PCSK5: variants seen among roughly 807,000 people sequenced by gnomAD.
PCSK5 encodes the protein proprotein convertase subtilisin/kexin type 5.
A neutral mutation model predicts 233.2 loss-of-function variants in PCSK5; 129 were observed. That is an observed-to-expected ratio of 0.55 (90% CI 0.48 to 0.64). The LOEUF (loss-of-function observed/expected upper bound fraction) is 0.64, where lower values mean the gene tolerates loss of function less well. Ranked by LOEUF, PCSK5 falls within the 30% of genes least tolerant of loss-of-function variation. PCSK5 has a pLI of 0.00. For missense variants in PCSK5, 2,076 were observed against 2,430.1 expected (o/e 0.85, Z 3.06); for synonymous variants, 825 against 879.2 (o/e 0.94, Z 1.09).
At chr9:76,175,232 G>A (rs868451069) in intron 14 of PCSK5, 103 bp downstream of exon 14, 15 of 597,510 alleles carry the variant, frequency 2.5e-5, no homozygotes, top group East Asian at 3.4e-5. Context: ...AAATGGAATG[G>A]AATGAAATGG....
intron 35 of PCSK5, among the ~76,000 whole-genome samples, chr9:76,350,435 A>G (rs1830091872): frequency 6.6e-6 from 1 of 152,190 alleles, no homozygotes; most frequent in African/African-American, 2.4e-5. Flanking sequence ...TCTCAGTTAG[A>G]AACTGTCTAT....
At chr9:76,154,609 A>G (rs748803123) in intron 10 of PCSK5, among the ~76,000 whole-genome samples, 23 of 152,230 alleles carry the variant, frequency 1.5e-4, no homozygotes, top group Admixed American at 2.6e-4. Flanking sequence ...TTATTTCCCT[A>G]AACTGAAATA....
intron 21 of PCSK5, among the ~76,000 whole-genome samples, chr9:76,229,023 T>G (rs890112662): frequency 6.6e-6 from 1 of 151,900 alleles, no homozygotes; most frequent in Non-Finnish European, 1.5e-5. Flanking sequence ...AAAGAATGAA[T>G]AAGAGAAGGA....
At chr9:76,107,822 T>C (rs769416074) in intron 9 of PCSK5, among the ~76,000 whole-genome samples, 5 of 152,198 alleles carry the variant, frequency 3.3e-5, no homozygotes, top group Non-Finnish European at 5.9e-5. Flanking sequence ...TCAAATCCTG[T>C]TCAGTATAGT....
intron 2 of PCSK5, among the ~76,000 whole-genome samples, chr9:75,985,259 C>A (rs1316671405): frequency 6.6e-6 from 1 of 152,196 alleles, no homozygotes; most frequent in Non-Finnish European, 1.5e-5. Context: ...ATACACACCC[C>A]TACCACTAGG....
rs67386134 is a variant in PCSK5 at position 76,163,859 on chromosome 9, C to CTTTTTTTT, written c.1619+4701_1619+4708dup. Among the ~76,000 whole-genome samples, 10 of 97,892 alleles carry CTTTTTTTT rather than the reference C, an allele frequency of 1.0e-4. 1 individual carries two copies. Among genetic ancestry groups the CTTTTTTTT allele is most frequent in the East Asian group, 6.2e-4 (2 of 3,226 alleles). 64.2% of individuals were successfully genotyped at this position (97,892 alleles called of 152,430 possible). A position where few individuals can be genotyped will look rare whatever the true frequency, so the allele number is the denominator to read the frequency against. On this transcript the variant is annotated intron_variant, in intron 12 of 37. Transcript: ENST00000674117. The stretch of plus-strand genomic sequence containing the variant: ...ATCTGTTAGAATTATAAAAAGCTGT[C>CTTTTTTTT]TTTTTTTTTTTTTTTTTTTTCCTGA...
chr9:76,220,484 G>A (rs574404756), intron 20 of PCSK5, among the ~76,000 whole-genome samples: 17 of 138,044 alleles, frequency 1.2e-4, no homozygotes, highest in African/African-American at 2.2e-4. Flanking sequence ...CTGAAAATGC[G>A]CCACAGCACT....
At chr9:76,098,864 G>A (rs976641155) in intron 8 of PCSK5, among the ~76,000 whole-genome samples, 1 of 152,136 alleles carries the variant, frequency 6.6e-6, no homozygotes, top group African/African-American at 2.4e-5. Flanking sequence ...CTTCGTCATT[G>A]TTTGCTGTGA....
chr9:76,190,092 C>T (rs1414768908), intron 20 of PCSK5, among the ~76,000 whole-genome samples: 1 of 152,012 alleles, frequency 6.6e-6, no homozygotes, highest in African/African-American at 2.4e-5. Context: ...GCATAGCTTC[C>T]CCCACTATCA....
In PCSK5 at chr9:76,322,990, C is replaced by A. The variant is rs1829251612; in HGVS notation, c.4103-62C>A. ...TGCTGAGGGAGGAGCTAGCCTACTG[C>A]AGACAATGAATTCCTTTCTCCTACC... On this transcript the variant is annotated intron_variant, in intron 31 of 37. Transcript: ENST00000674117. 8 of 906,766 alleles carry A rather than the reference C, an allele frequency of 8.8e-6. No homozygotes were observed. In the South Asian group the frequency reaches 1.2e-4, roughly 14 times the overall value. The allele number at this position is 906,766 out of a possible 1,614,324, so 56.2% of individuals were successfully genotyped here. A position where few individuals can be genotyped will look rare whatever the true frequency, so the allele number is the denominator to read the frequency against.
At chr9:76,237,950 C>T (rs1249763968) in intron 22 of PCSK5, among the ~76,000 whole-genome samples, 1 of 152,186 alleles carries the variant, frequency 6.6e-6, no homozygotes, top group Non-Finnish European at 1.5e-5. Flanking sequence ...GGGGTTAGTG[C>T]TATCTTTATC....
intron 4 of PCSK5, among the ~76,000 whole-genome samples, chr9:76,024,523 C>T (rs73650424): frequency 0.016 from 2,504 of 152,290 alleles, 74 homozygotes; most frequent in African/African-American, 0.056. Context: ...GTGAGTTATC[C>T]ATGGTCAGAT....
At chr9:76,119,888 T>C (rs376305221) in intron 9 of PCSK5, among the ~76,000 whole-genome samples, 1 of 152,080 alleles carries the variant, frequency 6.6e-6, no homozygotes, top group South Asian at 2.1e-4. Flanking sequence ...GTCTTATTCA[T>C]TCTTTCTAAC....
At chr9:76,247,586 C>T (rs184822944) in intron 24 of PCSK5, among the ~76,000 whole-genome samples, 1 of 152,134 alleles carries the variant, frequency 6.6e-6, no homozygotes, top group Middle Eastern at 3.2e-3. Context: ...GATTCTTAGT[C>T]AGCCTAGGAA....
At chr9:76,307,634 A>G (rs895781515) in intron 28 of PCSK5, among the ~76,000 whole-genome samples, 2 of 152,104 alleles carry the variant, frequency 1.3e-5, no homozygotes, top group Non-Finnish European at 2.9e-5. Flanking sequence ...TTAATGGTAT[A>G]TTAACCTGGG....
At chr9:76,016,865 A>G (rs1355217564) in intron 3 of PCSK5, among the ~76,000 whole-genome samples, 1 of 152,038 alleles carries the variant, frequency 6.6e-6, no homozygotes, top group Non-Finnish European at 1.5e-5. Flanking sequence ...TTAACCCTCA[A>G]TTATGAGTAG....
intron 7 of PCSK5, among the ~76,000 whole-genome samples, chr9:76,077,369 C>T (rs1830678625): frequency 6.6e-6 from 1 of 152,182 alleles, no homozygotes; most frequent in Non-Finnish European, 1.5e-5. Context: ...TTGTACTGTT[C>T]ATCCTCCTGT....
intron 8 of PCSK5, among the ~76,000 whole-genome samples, chr9:76,102,022 C>A (rs577507459): frequency 1.3e-5 from 2 of 152,210 alleles, no homozygotes; most frequent in South Asian, 4.1e-4. Context: ...GATACATATT[C>A]TCTTGAGAAA....
At chr9:76,224,155 A>T (rs1238019722) in intron 20 of PCSK5, among the ~76,000 whole-genome samples, 2 of 152,202 alleles carry the variant, frequency 1.3e-5, no homozygotes. Context: ...GGAGGAAAAA[A>T]CAAGTTTTAC....
Sources: gnomAD v4.1 joint callset for allele counts (sites outside exome capture counted in the v4.1 genomes callset) on GRCh38, gnomAD v4.1.1 for gene constraint, MANE v1.5 for transcripts, NCBI Gene and HGNC (gene_info 2026-07-23, HGNC 2026-07-21) for gene names.